FAAH2: variants seen among roughly 807,000 people sequenced by gnomAD.
FAAH2 encodes fatty acid amide hydrolase 2, also known as fatty-acid amide hydrolase 2.
Under a neutral mutation model 36.9 loss-of-function variants are expected in FAAH2, and 60 were observed. The observed-to-expected ratio is 1.63, with a 90% CI of 1.32 to 2.02. The LOEUF is 2.02. Among genes scored for constraint, FAAH2 ranks in the 30% most tolerant of loss-of-function variants. The pLI is 0.00. For missense variants in FAAH2, 689 were observed against 397.5 expected (o/e 1.73, Z -6.23); for synonymous variants, 214 against 143.8 (o/e 1.49, Z -3.49).
the FAAH2 span, among the ~76,000 whole-genome samples, chrX:57,206,817 AAGTCAGTTAACATTCTCC>A: frequency 7.1e-5 from 8 of 112,247 alleles, no homozygotes; most frequent in Middle Eastern, 0.014. Flanking sequence ...AATGGCTCTT[AAGTCAGTTAACATTCTCC>A]ATTTACCTGA....
chrX:57,195,209 C>T, the FAAH2 span, among the ~76,000 whole-genome samples: 18 of 112,028 alleles, frequency 1.6e-4, no homozygotes, highest in Admixed American at 1.5e-3. Context: ...AGTGATCGTA[C>T]TAGTTTACAT....
intron 7 of FAAH2, among the ~76,000 whole-genome samples, chrX:57,398,645 T>G (rs998097071): frequency 4.5e-5 from 5 of 110,464 alleles, no homozygotes; most frequent in African/African-American, 1.7e-4. Context: ...GGCTCAAATG[T>G]CTAGGTTTTA....
chrX:57,407,461 G>A (rs2055594054), intron 7 of FAAH2, among the ~76,000 whole-genome samples: 1 of 112,086 alleles, frequency 8.9e-6, no homozygotes, highest in Admixed American at 9.4e-5. Flanking sequence ...TCACATGGGT[G>A]AGGGGAGCAA....
At chrX:57,276,826 A>G in the FAAH2 span, among the ~76,000 whole-genome samples, 1 of 112,206 alleles carries the variant, frequency 8.9e-6, no homozygotes, top group African/African-American at 3.2e-5. Flanking sequence ...AAAATCTAGA[A>G]GAAATGGATG....
At chrX:57,184,873 A>G in the FAAH2 span, among the ~76,000 whole-genome samples, 1 of 112,088 alleles carries the variant, frequency 8.9e-6, no homozygotes, top group Non-Finnish European at 1.9e-5. Flanking sequence ...ATCTTTGTTT[A>G]TTAGCAAAGT....
the FAAH2 span, among the ~76,000 whole-genome samples, chrX:57,280,914 C>T: frequency 2.7e-5 from 3 of 112,368 alleles, no homozygotes; most frequent in African/African-American, 9.7e-5. Context: ...ATTATTGATA[C>T]ACATACAACC....
At chrX:57,467,538 C>T (rs1365129283) in intron 10 of FAAH2, among the ~76,000 whole-genome samples, 1 of 111,740 alleles carries the variant, frequency 8.9e-6, no homozygotes, top group African/African-American at 3.3e-5. Flanking sequence ...TGCAAGGTGA[C>T]AGCGAGGCTG....
the FAAH2 span, among the ~76,000 whole-genome samples, chrX:57,153,317 T>C: frequency 8.9e-6 from 1 of 112,302 alleles, no homozygotes; most frequent in Non-Finnish European, 1.9e-5. Context: ...TTCTTATTCA[T>C]TCTGCAATTC....
At chrX:57,168,779 C>T in the FAAH2 span, among the ~76,000 whole-genome samples, 2 of 111,753 alleles carry the variant, frequency 1.8e-5, no homozygotes, top group Admixed American at 1.9e-4. Context: ...AACTTCTCTA[C>T]CCCCTTATGT....
At chrX:57,394,861 C>T (rs2055255075) in intron 7 of FAAH2, 2 of 1,074,106 alleles carry the variant, frequency 1.9e-6, no homozygotes, top group East Asian at 6.0e-5. Flanking sequence ...CATTGTTCCA[C>T]AGAAGCAAGT....
intron 8 of FAAH2, among the ~76,000 whole-genome samples, chrX:57,437,526 G>A (rs1354382583): frequency 9.1e-6 from 1 of 109,537 alleles, no homozygotes; most frequent in African/African-American, 3.3e-5. Flanking sequence ...AAAGAATTCA[G>A]TAAAGTTTCA....
chrX:57,259,161 G>T, the FAAH2 span, among the ~76,000 whole-genome samples: 1 of 111,598 alleles, frequency 9.0e-6, no homozygotes, highest in East Asian at 2.8e-4. Flanking sequence ...AATGTAAATT[G>T]GTATAGTCAT....
chrX:57,447,175 G>T lies in FAAH2; in HGVS notation c.1228+136G>T, dbSNP rs188874914. 4.1e-5 allele frequency: 17 copies of T among 415,624 alleles called. No individual in the cohort carries two copies. In the East Asian group the frequency reaches 4.9e-4, roughly 12 times the overall value. The allele number at this position is 415,624 out of a possible 1,213,427, so 34.3% of individuals were successfully genotyped here. On this transcript the variant is annotated intron_variant, in intron 9 of 10. Coordinates refer to ENST00000374900, the MANE Select transcript of FAAH2 (RefSeq NM_174912.4). ...TACTGAAATCTTAACGCTCCAAAAT[G>T]ATCTCCTTTGACTCCATGTCTCACA...
intron 7 of FAAH2, among the ~76,000 whole-genome samples, chrX:57,403,039 A>G (rs1454252850): frequency 8.9e-6 from 1 of 112,009 alleles, no homozygotes; most frequent in African/African-American, 3.2e-5. Context: ...CTTGTAAAAC[A>G]TCAGTATAGC....
chrX:57,448,705 C>T lies in FAAH2; in HGVS notation c.1410C>T (p.Asn470=), dbSNP rs1556021548. The change falls in exon 10 of 11, where the codon AAC becomes AAT. Residue 470 remains asparagine, a synonymous_variant. Coordinates refer to ENST00000374900, the MANE Select transcript of FAAH2 (RefSeq NM_174912.4). ...ATGTCCCTCTAACACGGCCTTTCAA[C>T]TTTGCTTACACAGGTACCTAATTGT... ...KHHVPLTRPF[N]FAYTGVFSAL... The T allele has an allele frequency of 8.3e-7, 1 of 1,205,090 alleles. No homozygotes were observed. Among genetic ancestry groups the T allele is most frequent in the Non-Finnish European group, 1.1e-6 (1 of 891,571 alleles).
chrX:57,302,934 G>C (rs948030072), intron 2 of FAAH2, among the ~76,000 whole-genome samples: 4 of 110,982 alleles, frequency 3.6e-5, no homozygotes, highest in African/African-American at 1.3e-4. Flanking sequence ...GGTCTCAGGA[G>C]TCTAGTGCTG....
chrX:57,394,462 C>T lies in FAAH2; in HGVS notation c.996+13433C>T. ...CTCAAGCCAGCTTACCAATGGGCTT[C>T]GGTTTACAAGATCGTGATATATCAA... On this transcript the variant is annotated intron_variant, in intron 7 of 10. Transcript: ENST00000374900. The T allele has an allele frequency of 5.0e-6, 6 of 1,201,618 alleles. 1 individual carries two copies. The highest frequency in any genetic ancestry group is 2.2e-5 in the Admixed American group (1 of 46,026).
At chrX:57,311,763 C>T (rs1198008121) in intron 3 of FAAH2, among the ~76,000 whole-genome samples, 5 of 112,067 alleles carry the variant, frequency 4.5e-5, no homozygotes, top group Admixed American at 3.8e-4. Flanking sequence ...CCCTGCAGCC[C>T]AACCTCAGTG....
At chrX:57,320,407 CAT>C (rs1288456475) in intron 3 of FAAH2, among the ~76,000 whole-genome samples, 2 of 112,126 alleles carry the variant, frequency 1.8e-5, no homozygotes, top group South Asian at 3.7e-4. Context: ...GGCCAACAAA[CAT>C]ATGAAAAAAA....
Sources: allele counts gnomAD v4.1 joint callset (sites outside exome capture counted in the v4.1 genomes callset), GRCh38; gene constraint gnomAD v4.1.1; transcripts MANE v1.5; gene names NCBI Gene and HGNC (gene_info 2026-07-23, HGNC 2026-07-21).